The following PCLO variants were observed in gnomAD, a reference collection of about 807,000 sequenced individuals.
PCLO encodes the protein protein piccolo.
A neutral mutation model predicts 427.5 loss-of-function variants in PCLO; 82 were observed. That is an observed-to-expected ratio of 0.19 (90% CI 0.16 to 0.23). The LOEUF (loss-of-function observed/expected upper bound fraction) is 0.23. Ranked by LOEUF, PCLO falls within the 10% of genes least tolerant of loss-of-function variation. PCLO has a pLI of 1.00. For missense variants in PCLO, 6,239 were observed against 6,115.9 expected (o/e 1.02, Z -0.67); for synonymous variants, 2,357 against 2,155.4 (o/e 1.09, Z -2.59).
At chr7:82,856,914 C>T (rs1211626917) in intron 10 of PCLO, among the ~76,000 whole-genome samples, 5 of 151,946 alleles carry the variant, frequency 3.3e-5, no homozygotes, top group African/African-American at 7.2e-5. Flanking sequence ...GCCATTATTT[C>T]AGGAGTGGGT....
At chr7:82,794,151 C>A (rs370542322) in intron 22 of PCLO, among the ~76,000 whole-genome samples, 7 of 151,956 alleles carry the variant, frequency 4.6e-5, no homozygotes, top group Admixed American at 1.3e-4. Context: ...TCTGGAGAAA[C>A]CTTTAGCATC....
At chr7:83,004,640 A>G (rs1181572039) in intron 3 of PCLO, among the ~76,000 whole-genome samples, 1 of 151,374 alleles carries the variant, frequency 6.6e-6, no homozygotes, top group Admixed American at 6.6e-5. Flanking sequence ...ACACTAAAAA[A>G]CATAACACTA....
chr7:82,791,731 G>C (rs13227462), intron 22 of PCLO, among the ~76,000 whole-genome samples: 7,131 of 152,110 alleles, frequency 0.047, 228 homozygotes, highest in Admixed American at 0.083. Flanking sequence ...CTTCTTTTCT[G>C]AAATGTGCTG....
At chr7:83,035,281 C>T (rs1375617155) in intron 3 of PCLO, among the ~76,000 whole-genome samples, 3 of 152,172 alleles carry the variant, frequency 2.0e-5, no homozygotes, top group Non-Finnish European at 4.4e-5. Flanking sequence ...AAATCAATTA[C>T]TGCATGTTCT....
At chr7:82,984,250 C>A (rs1796209021) in intron 3 of PCLO, among the ~76,000 whole-genome samples, 1 of 151,970 alleles carries the variant, frequency 6.6e-6, no homozygotes, top group African/African-American at 2.4e-5. Context: ...TGGTACCCTT[C>A]TCAAATATTA....
chr7:82,892,066 G>GA (rs1793780536), intron 9 of PCLO, among the ~76,000 whole-genome samples: 3 of 151,960 alleles, frequency 2.0e-5, no homozygotes, highest in Non-Finnish European at 1.5e-5. Context: ...CACATAATCG[G>GA]AAAAAACTAC....
chr7:82,878,225 T>C (rs950918583), intron 10 of PCLO, among the ~76,000 whole-genome samples: 1 of 152,286 alleles, frequency 6.6e-6, no homozygotes, highest in Admixed American at 6.5e-5. Context: ...CATAACATTG[T>C]GATGAATAAA....
At chr7:83,056,309 T>C (rs1236488561) in intron 3 of PCLO, among the ~76,000 whole-genome samples, 2 of 152,184 alleles carry the variant, frequency 1.3e-5, no homozygotes, top group African/African-American at 4.8e-5. Flanking sequence ...TTAGGTTTAC[T>C]CTATATTTCA....
chr7:82,781,933 CA>C (rs1312310669), intron 22 of PCLO, among the ~76,000 whole-genome samples: 8 of 152,202 alleles, frequency 5.3e-5, no homozygotes, highest in Non-Finnish European at 7.3e-5. Flanking sequence ...CCCCTTCCCC[CA>C]TACCTTGCCC....
intron 3 of PCLO, among the ~76,000 whole-genome samples, chr7:83,047,382 AAATAC>A (rs1343553115): frequency 6.6e-6 from 1 of 152,058 alleles, no homozygotes; most frequent in Non-Finnish European, 1.5e-5. Context: ...ACCTTAAGCC[AAATAC>A]AATACATTAT....
chr7:83,057,555 G>A (rs147093415), intron 3 of PCLO, among the ~76,000 whole-genome samples: 2,079 of 149,464 alleles, frequency 0.014, 57 homozygotes, highest in African/African-American at 0.048. Flanking sequence ...TGGAGACGGA[G>A]TTTCACTATG....
At chr7:82,804,313 G>C (rs1043511756) in intron 21 of PCLO, among the ~76,000 whole-genome samples, 11 of 151,994 alleles carry the variant, frequency 7.2e-5, no homozygotes, top group African/African-American at 2.7e-4. Context: ...AGATGGACAG[G>C]TGATACAATA....
At chr7:82,827,753 T>G (rs1791981616) in intron 17 of PCLO, 120 bp downstream of exon 17, 3 of 560,476 alleles carry the variant, frequency 5.4e-6, no homozygotes, top group Non-Finnish European at 9.3e-6. Context: ...TTACATGTAT[T>G]TTACTCAACT....
At chr7:82,802,984 C>A (rs1791388296) in intron 21 of PCLO, among the ~76,000 whole-genome samples, 1 of 152,024 alleles carries the variant, frequency 6.6e-6, no homozygotes, top group Admixed American at 6.5e-5. Flanking sequence ...ATGTGAGGGA[C>A]CAAGTTCATG....
chr7:82,998,119 C>T (rs1039736503), intron 3 of PCLO, among the ~76,000 whole-genome samples: 10 of 151,904 alleles, frequency 6.6e-5, no homozygotes, highest in East Asian at 1.9e-4. Context: ...AAACCTTCTA[C>T]GGAAACCAGT....
intron 12 of PCLO, 32 bp from the exon 13 acceptor site, chr7:82,845,517 C>G (rs767562000): frequency 2.0e-5 from 29 of 1,437,046 alleles, no homozygotes; most frequent in Non-Finnish European, 2.4e-5. Flanking sequence ...TTACATACTT[C>G]TCCATTTCAT....
intron 10 of PCLO, among the ~76,000 whole-genome samples, chr7:82,869,050 GACA>G (rs1211661364): frequency 3.3e-5 from 5 of 152,110 alleles, no homozygotes; most frequent in Non-Finnish European, 7.4e-5. Flanking sequence ...TTATAACACA[GACA>G]ACTAGGATGA....
intron 3 of PCLO, among the ~76,000 whole-genome samples, chr7:83,093,483 TA>T (rs1324170402): frequency 3.4e-4 from 35 of 101,712 alleles, no homozygotes; most frequent in African/African-American, 1.6e-3. Flanking sequence ...TATAGATATA[TA>T]TATATATATT....
At chr7:82,801,399 C>T (rs1039475509) in intron 22 of PCLO, 119 bp downstream of exon 22, 6 of 599,766 alleles carry the variant, frequency 1.0e-5, no homozygotes, top group Non-Finnish European at 1.8e-5. Flanking sequence ...ATCTTACTAC[C>T]TATTGCTTTT....
Sources: allele counts gnomAD v4.1 joint callset (sites outside exome capture counted in the v4.1 genomes callset), GRCh38; gene constraint gnomAD v4.1.1; transcripts MANE v1.5; gene names NCBI Gene and HGNC (gene_info 2026-07-23, HGNC 2026-07-21).